The following NEK2 variants were observed in gnomAD, a reference collection of about 807,000 sequenced individuals.
NEK2 encodes the protein NIMA related kinase 2.
In NEK2, 28 loss-of-function variants were observed where a neutral mutation model predicts 54.1. The ratio of observed to expected loss-of-function variants is 0.52; its 90% CI spans 0.38 to 0.71. NEK2 has a LOEUF of 0.71. Ranked by LOEUF, NEK2 falls within the 30% of genes least tolerant of loss-of-function variation. NEK2 has a pLI of 0.00. For missense variants in NEK2, 407 were observed against 531.5 expected (o/e 0.77, Z 2.30); for synonymous variants, 176 against 193.1 (o/e 0.91, Z 0.73).
intron 6 of NEK2, among the ~76,000 whole-genome samples, chr1:211,668,188 T>G (rs1161910719): frequency 6.6e-6 from 1 of 152,250 alleles, no homozygotes; most frequent in African/African-American, 2.4e-5. Flanking sequence ...AATATTTCAT[T>G]ATTTAAAGCC....
downstream of NEK2, chr1:211,661,091 G>C: frequency 2.7e-6 from 2 of 744,642 alleles, no homozygotes; most frequent in Non-Finnish European, 5.0e-6. Flanking sequence ...ACTTGCCTCC[G>C]ATGGCATTGT....
chr1:211,667,315 T>C, intron 6 of NEK2, 84 bp from the exon 7 acceptor site: 1 of 1,314,266 alleles, frequency 7.6e-7, no homozygotes, highest in Non-Finnish European at 1.1e-6. Context: ...ATCTTATCAC[T>C]ACTAGCATGC....
Position 211,669,235 on chromosome 1 carries a change from C to A in NEK2, c.863G>T (p.Arg288Leu). 6.2e-7 allele frequency: 1 copy of A among 1,614,060 alleles called. No individual in the cohort carries two copies. The highest frequency in any genetic ancestry group is 1.1e-5 in the South Asian group (1 of 91,076). The change falls in exon 6 of 8, where the codon CGA becomes CTA. Residue 288 changes from arginine (R) to leucine (L), a missense_variant. Physicochemically the swap from Arg to Leu is moderately radical, Grantham distance 102. Coordinates refer to ENST00000366999, the MANE Select transcript of NEK2 (RefSeq NM_002497.4). ...CGATTTTTCTGGCTCTCCTAATTGT[C>A]GCCCTCTTCTCTCAAGATTTCTTCT... ...EQRRNLERRG[R>L]QLGEPEKSQD...
At chr1:211,658,656 G>C, downstream of NEK2, 1 of 421,270 alleles carries the variant, frequency 2.4e-6, no homozygotes, top group South Asian at 1.6e-5. Flanking sequence ...CGAGGCCAAG[G>C]CTACATTGAG....
At chr1:211,674,597 T>A in intron 1 of NEK2, 84 bp from the exon 2 acceptor site, 1 of 965,144 alleles carries the variant, frequency 1.0e-6, no homozygotes, top group South Asian at 1.7e-5. Flanking sequence ...ACAAATTACC[T>A]CCCTTTTAAT....
chr1:211,659,516 C>T (rs1038381425), downstream of NEK2, among the ~76,000 whole-genome samples: 2 of 152,150 alleles, frequency 1.3e-5, no homozygotes, highest in South Asian at 4.1e-4. Context: ...CTGTGTCATG[C>T]TTCTGTGTTG....
downstream of NEK2, chr1:211,660,387 C>T (rs1250184030): frequency 3.1e-6 from 2 of 642,990 alleles, no homozygotes; most frequent in Non-Finnish European, 3.0e-6. Context: ...CCTTCTGCCC[C>T]TAATTCTCCT....
chr1:211,671,392 GT>G, intron 3 of NEK2, 108 bp from the exon 4 acceptor site: 2 of 722,612 alleles, frequency 2.8e-6, no homozygotes, highest in Non-Finnish European at 4.7e-6. Context: ...GAACCTCAAA[GT>G]TTTTAGCTTA....
At chr1:211,671,628 T>C (rs1649046795) in intron 3 of NEK2, among the ~76,000 whole-genome samples, 1 of 152,248 alleles carries the variant, frequency 6.6e-6, no homozygotes, top group African/African-American at 2.4e-5. Flanking sequence ...TCAAAATATG[T>C]ATCTAGTCCA....
chr1:211,671,344 C>T, intron 3 of NEK2, 60 bp from the exon 4 acceptor site: 2 of 1,232,622 alleles, frequency 1.6e-6, no homozygotes, highest in Non-Finnish European at 2.4e-6. Context: ...TGTTTTGAAA[C>T]TTAAAAAACA....
intron 1 of NEK2, 78 bp from the exon 2 acceptor site, chr1:211,674,591 A>G: frequency 9.7e-7 from 1 of 1,027,038 alleles, no homozygotes; most frequent in Non-Finnish European, 1.4e-6. Flanking sequence ...GATTTAACAA[A>G]TTACCTCCCT....
Position 211,675,378 on chromosome 1 carries a change from G to T in NEK2, c.96+6C>A, listed in dbSNP as rs1212413639. The T allele has an allele frequency of 6.2e-7, 1 of 1,612,954 alleles. No homozygotes were observed. Among genetic ancestry groups the T allele is most frequent in the East Asian group, 2.2e-5 (1 of 44,878 alleles). On this transcript the variant is annotated splice_donor_region_variant and intron_variant, in intron 1 of 7. Transcript: ENST00000366999. Reference sequence around the variant, plus strand: ...GGGGCAGGCGCAGGGTAGGTCCCACGCTCACCTTGCCATCACTCTTCCTCC... The same window carrying T: ...GGGGCAGGCGCAGGGTAGGTCCCACTCTCACCTTGCCATCACTCTTCCTCC...
At chr1:211,661,180 C>T (rs1655009739), downstream of NEK2, 1 of 736,390 alleles carries the variant, frequency 1.4e-6, no homozygotes, top group East Asian at 2.6e-5. Context: ...AGCACCCTAA[C>T]AATCCGGGAG....
chr1:211,672,176 TTTC>T (rs1260066947), intron 3 of NEK2, among the ~76,000 whole-genome samples: 2 of 152,240 alleles, frequency 1.3e-5, no homozygotes, highest in African/African-American at 4.8e-5. Context: ...CTAACAAATA[TTTC>T]TTCATCTTTA....
downstream of NEK2, chr1:211,661,307 T>C: frequency 1.9e-6 from 1 of 531,292 alleles, no homozygotes; most frequent in Non-Finnish European, 3.5e-6. Context: ...GCTTCTAAAC[T>C]GAAGTTTTTG....
At position 211,674,510 on chromosome 1, in the gene NEK2, A is replaced by G; in HGVS notation, c.100T>C (p.Leu34=). The change falls in exon 2 of 8, where the codon TTA becomes CTA. Residue 34 remains leucine (L), a synonymous_variant. Coordinates refer to ENST00000366999, the MANE Select transcript of NEK2 (RefSeq NM_002497.4). Reference sequence around the variant, plus strand: ...CCATAGTCAAGTTCTTTCCAAACTAATATCTGAAATAAGAATTTCCAAGGT... The same window carrying G: ...CCATAGTCAAGTTCTTTCCAAACTAGTATCTGAAATAAGAATTTCCAAGGT... The part of the protein sequence containing the change: ...KIRRKSDGKI[L]VWKELDYGSM... 1 of 1,600,490 alleles carries G rather than the reference A, an allele frequency of 6.2e-7. No individual in the cohort carries two copies. Among genetic ancestry groups the G allele is most frequent in the Non-Finnish European group, 8.5e-7 (1 of 1,170,962 alleles).
In NEK2 at chr1:211,670,321, TC is replaced by T; in HGVS notation, c.724del (p.Asp242MetfsTer3). On this transcript the variant is annotated frameshift_variant, in exon 5 of 8. Transcript: ENST00000366999. LOFTEE classifies it high-confidence loss of function. Reference protein sequence around the residue: ...KFRRIPYRYSDELNEIITRML... With the variant: ...KFRRIPYRYSXELNEIITRML... ...CCTCGTAATAATTTCATTCAATTCATCAGAGTAACGGTATGGAATTCGCCTG... is the reference window on the plus strand; with the variant it reads ...CCTCGTAATAATTTCATTCAATTCATAGAGTAACGGTATGGAATTCGCCTG... 6.2e-7 allele frequency: 1 copy of T among 1,612,300 alleles called. No homozygotes were observed. Among genetic ancestry groups the T allele is most frequent in the South Asian group, 1.1e-5 (1 of 90,726 alleles).
chr1:211,674,271 T>A (rs755593528), intron 2 of NEK2, 25 bp downstream of exon 2: 1 of 1,574,856 alleles, frequency 6.3e-7, no homozygotes, highest in South Asian at 1.1e-5. Flanking sequence ...AATTTCAGCT[T>A]ACATTTTTAA....
chr1:211,664,272 T>A (rs1045183795), intron 7 of NEK2, among the ~76,000 whole-genome samples: 2 of 152,152 alleles, frequency 1.3e-5, no homozygotes, highest in Non-Finnish European at 2.9e-5. Flanking sequence ...TTACTTAAAG[T>A]GGCAACACTA....
Sources: allele counts gnomAD v4.1 joint callset (sites outside exome capture counted in the v4.1 genomes callset), GRCh38; gene constraint gnomAD v4.1.1; transcripts MANE v1.5; gene names NCBI Gene and HGNC (gene_info 2026-07-23, HGNC 2026-07-21).